The following FAM83E variants were observed in gnomAD, a reference collection of about 807,000 sequenced individuals.
FAM83E encodes the protein scaffolding CK1 anchoring protein E.
A neutral mutation model predicts 34.3 loss-of-function variants in FAM83E; 29 were observed. The ratio of observed to expected loss-of-function variants is 0.85; its 90% CI spans 0.63 to 1.15. FAM83E has a LOEUF of 1.15. FAM83E is among the 50% of genes most tolerant of loss of function. The pLI, the probability that FAM83E is intolerant of heterozygous loss-of-function variation, is 0.00. For synonymous variants in FAM83E, 312 were observed against 311.6 expected (o/e 1.00, Z -0.01); for missense variants, 697 against 685.0 (o/e 1.02, Z -0.20).
At position 48,614,159 on chromosome 19, in the gene FAM83E, TG is replaced by T. The variant is rs1974101568; in HGVS notation, c.-788del. 4.1e-6 allele frequency: 4 copies of T among 985,784 alleles called. No homozygotes were observed. The South Asian group carries it at 1.9e-4, about 46-fold the overall frequency. The allele number at this position is 985,784 out of a possible 1,614,324, so 61.1% of individuals were successfully genotyped here. On this transcript the variant is annotated 5_prime_UTR_variant, in exon 3 of 7. It removes the in-frame stop codon of an upstream open reading frame in the 5' UTR. Transcript: ENST00000263266. The stretch of plus-strand genomic sequence containing the variant: ...GGCAAACCCTTCCCTACCCTGTCAA[TG>T]GGGGACCCTGCTCCCTGGACCCTCC...
At position 48,603,780 on chromosome 19, in the gene FAM83E, T is replaced by TG. The variant is rs773971919; in HGVS notation, c.889dup (p.Gln297ProfsTer33). On this transcript the variant is annotated frameshift_variant, in exon 6 of 7. Coordinates refer to ENST00000263266, the MANE Select transcript of FAM83E (RefSeq NM_017708.4). LOFTEE classifies it high-confidence loss of function. ...CAGGCCACCTATGACCGAGGGTTTC[T>TG]GGGGGGGCGCAGGTGGGAGCGGGCA... 7.9e-5 allele frequency: 126 copies of TG among 1,590,066 alleles called. No individual in the cohort carries two copies. Among genetic ancestry groups the TG allele is most frequent in the Non-Finnish European group, 8.5e-5 (100 of 1,170,374 alleles).
intron 5 of FAM83E, among the ~76,000 whole-genome samples, chr19:48,609,302 G>T (rs1325380843): frequency 7.6e-6 from 1 of 132,358 alleles, no homozygotes; most frequent in African/African-American, 2.8e-5. Flanking sequence ...TTTTGAGATG[G>T]AGTCTTGCTC....
intron 5 of FAM83E, among the ~76,000 whole-genome samples, chr19:48,609,264 TC>T (rs1262281730): frequency 4.3e-5 from 5 of 115,858 alleles, no homozygotes; most frequent in East Asian, 3.4e-4. Context: ...TTTCTTTCTT[TC>T]TTTTTTTTTT....
chr19:48,610,613 G>T, intron 4 of FAM83E, 67 bp downstream of exon 4: 1 of 1,496,832 alleles, frequency 6.7e-7, no homozygotes, highest in Non-Finnish European at 9.0e-7. Context: ...TCCATGGAAG[G>T]GTCTGCCCCC....
At position 48,600,054 on chromosome 19, in the gene FAM83E, C is replaced by T. The variant is rs1216173138; in HGVS notation, c.*1055G>A. On this transcript the variant is annotated 3_prime_UTR_variant, in exon 7 of 7. Transcript: ENST00000263266. ...CGCCCACAGAAAGTCCCACCACCCA[C>T]CCTGTTCCCCTGTGGCTGTACCACA... 1.3e-5 allele frequency among the ~76,000 whole-genome samples: 2 copies of T among 152,222 alleles called. No homozygotes were observed. Among genetic ancestry groups the T allele is most frequent in the African/African-American group, 4.8e-5 (2 of 41,454 alleles).
chr19:48,601,131 G>GC lies in FAM83E; in HGVS notation c.1414dup (p.Ala472GlyfsTer77). 6.2e-7 allele frequency: 1 copy of GC among 1,612,504 alleles called. No individual in the cohort carries two copies. Among genetic ancestry groups the GC allele is most frequent in the Non-Finnish European group, 8.5e-7 (1 of 1,179,634 alleles). On this transcript the variant is annotated frameshift_variant, in exon 7 of 7. Coordinates refer to ENST00000263266, the MANE Select transcript of FAM83E (RefSeq NM_017708.4). LOFTEE classifies it high-confidence loss of function. Reference sequence around the variant, plus strand: ...TGTTCAGGGTTGCCCCCCAAGTCCTGCCCGGGGGGCCCAGTCTGACGGCCT... The same window carrying GC: ...TGTTCAGGGTTGCCCCCCAAGTCCTGCCCCGGGGGGCCCAGTCTGACGGCCT...
At chr19:48,611,463 C>T (rs535559406) in intron 3 of FAM83E, among the ~76,000 whole-genome samples, 5 of 151,844 alleles carry the variant, frequency 3.3e-5, no homozygotes, top group South Asian at 2.1e-4. Context: ...CCACCACGCC[C>T]GGCTTTTTTT....
chr19:48,612,167 C>T (rs1224319594), intron 3 of FAM83E, among the ~76,000 whole-genome samples: 1 of 152,092 alleles, frequency 6.6e-6, no homozygotes, highest in African/African-American at 2.4e-5. Context: ...CACATTAGTC[C>T]CTGAGAAACC....
intron 6 of FAM83E, 48 bp from the exon 7 acceptor site, chr19:48,601,417 T>C: frequency 6.5e-7 from 1 of 1,543,412 alleles, no homozygotes; most frequent in Non-Finnish European, 8.8e-7. Context: ...GGTGGGGCCC[T>C]GGGGGCATCC....
chr19:48,600,916 G>T lies in FAM83E; in HGVS notation c.*193C>A. 7.8e-7 allele frequency: 1 copy of T among 1,274,596 alleles called. No individual in the cohort carries two copies. Among genetic ancestry groups the T allele is most frequent in the Non-Finnish European group, 1.0e-6 (1 of 977,876 alleles). 79.0% of individuals were successfully genotyped at this position (1,274,596 alleles called of 1,614,324 possible). ...AACCCTCCCACCTTAGCCTCCCAAA[G>T]TGCAGGGATTACAGGCATGAGCCAC... On this transcript the variant is annotated 3_prime_UTR_variant, in exon 7 of 7. Coordinates refer to ENST00000263266, the MANE Select transcript of FAM83E (RefSeq NM_017708.4).
chr19:48,602,549 G>A (rs1973837194), intron 6 of FAM83E, among the ~76,000 whole-genome samples: 1 of 150,310 alleles, frequency 6.7e-6, no homozygotes, highest in African/African-American at 2.5e-5. Context: ...GCTGGGTGAG[G>A]GTGCTCAGGA....
chr19:48,608,575 G>T (rs1973978996), intron 5 of FAM83E, among the ~76,000 whole-genome samples: 1 of 150,918 alleles, frequency 6.6e-6, no homozygotes, highest in South Asian at 2.1e-4. Flanking sequence ...CTCCCGAGTA[G>T]CTGGGACTAG....
intron 5 of FAM83E, 27 bp downstream of exon 5, chr19:48,609,849 A>G (rs747894218): frequency 2.3e-5 from 34 of 1,485,828 alleles, no homozygotes; most frequent in Non-Finnish European, 3.1e-5. Flanking sequence ...GGACGCCGGG[A>G]GGTGGGGGGC....
Position 48,613,211 on chromosome 19 carries a change from C to A in FAM83E, c.162G>T (p.Glu54Asp). The change falls in exon 3 of 7, where the codon GAG becomes GAT. Residue 54 changes from glutamate (E) to aspartate (D), a missense_variant. Glu to Asp is a conservative substitution (Grantham distance 45). Transcript: ENST00000263266. ...CATCCGCACTGAGGAAGGGCCACAG[C>A]TCCTCGCGCTGCACGCAGGTCTGGA... ...EAFQTCVQREELWPFLSADEV... is the reference protein window; with the variant it reads ...EAFQTCVQREDLWPFLSADEV... 6.2e-7 allele frequency: 1 copy of A among 1,611,188 alleles called. No homozygotes were observed.
At chr19:48,606,827 G>A in intron 5 of FAM83E, 1 of 936,448 alleles carries the variant, frequency 1.1e-6, no homozygotes, top group Non-Finnish European at 1.6e-6. Context: ...GTTGGGAACA[G>A]AGGACACTCC....
At chr19:48,606,590 G>A (rs1407466366) in intron 5 of FAM83E, among the ~76,000 whole-genome samples, 2 of 152,202 alleles carry the variant, frequency 1.3e-5, no homozygotes, top group African/African-American at 2.4e-5. Context: ...GGTTCAGGGC[G>A]TCTTCACCTT....
At position 48,601,262 on chromosome 19, in the gene FAM83E, G is replaced by T. The variant is rs376162806; in HGVS notation, c.1284C>A (p.Gly428=). ...GGGCGGGGGGCAGGGGCAGGGCACC[G>T]CCCCACGGAGGTCGGGAGTCCACTT... The part of the protein sequence containing the change: ...WGEVDSRPPW[G]GALPLPPAHR... The change falls in exon 7 of 7, where the codon GGC becomes GGA. Residue 428 remains glycine (G), a synonymous_variant. Coordinates refer to ENST00000263266, the MANE Select transcript of FAM83E (RefSeq NM_017708.4). 2.4e-5 allele frequency: 38 copies of T among 1,596,496 alleles called. No individual in the cohort carries two copies. In the African/African-American group the frequency reaches 4.8e-4, roughly 20 times the overall value.
chr19:48,611,665 G>A (rs558113111), intron 3 of FAM83E, among the ~76,000 whole-genome samples: 1 of 152,190 alleles, frequency 6.6e-6, no homozygotes, highest in Admixed American at 6.5e-5. Context: ...ACGGGATTTC[G>A]CCATCTTGGC....
intron 6 of FAM83E, among the ~76,000 whole-genome samples, chr19:48,602,056 C>G (rs2147637812): frequency 6.9e-6 from 1 of 144,244 alleles, no homozygotes; most frequent in African/African-American, 2.6e-5. Context: ...GTGGGAGGAT[C>G]ACTTGAGCCC....
Sources: gnomAD v4.1 joint callset for allele counts (sites outside exome capture counted in the v4.1 genomes callset) on GRCh38, gnomAD v4.1.1 for gene constraint, MANE v1.5 for transcripts, NCBI Gene and HGNC (gene_info 2026-07-23, HGNC 2026-07-21) for gene names.